Variants in MECR observed in about 807,000 individuals in gnomAD.
MECR encodes enoyl-[acyl-carrier-protein] reductase, mitochondrial.
In MECR, 37 loss-of-function variants were observed where a neutral mutation model predicts 49.1. The observed-to-expected ratio is 0.75, with a 90% confidence interval of 0.58 to 0.99. MECR has a LOEUF of 0.99. Ranked by LOEUF, MECR falls within the 50% of genes least tolerant of loss-of-function variation. The pLI is 0.00. For missense variants in MECR, 470 were observed against 479.6 expected, an observed-to-expected ratio of 0.98 and a Z score of 0.19; for synonymous variants, 198 against 191.1, an observed-to-expected ratio of 1.04 and a Z score of -0.30.
Position 29,202,036 on chromosome 1 carries a change from G to C in MECR, c.663C>G (p.Ile221Met), listed in dbSNP as rs1472260097. Residue 221 changes from isoleucine (I) to methionine (M), a missense_variant, in exon 6 of 10, where the codon ATC becomes ATG. Coordinates refer to ENST00000263702, the MANE Select transcript of MECR (RefSeq NM_016011.5). ...TINVVRDRPD[I>M]QKLSDRLKSL... Reference sequence around the variant, plus strand: ...TCTTCAGTCTGTCACTCAGCTTCTGGATATCAGGTCTGGAAACCAAACATA... The same window carrying C: ...TCTTCAGTCTGTCACTCAGCTTCTGCATATCAGGTCTGGAAACCAAACATA... The C allele has an allele frequency of 2.5e-6, 4 of 1,614,124 alleles. No homozygotes were observed.
the MECR span, chr1:29,168,814 G>A: frequency 6.6e-6 from 1 of 152,192 alleles, no homozygotes; most frequent in Non-Finnish European, 1.5e-5. Context: ...GCAATATTAT[G>A]TATTTAGGAA....
At chr1:29,202,127 G>A (rs1675473261) in intron 5 of MECR, 82 bp from the exon 6 acceptor site, 2 of 1,186,416 alleles carry the variant, frequency 1.7e-6, no homozygotes, top group Non-Finnish European at 2.5e-6. Context: ...CCACAGCTGG[G>A]AGAACCCGTG....
chr1:29,175,296 C>T, the MECR span, among the ~76,000 whole-genome samples: 1 of 151,936 alleles, frequency 6.6e-6, no homozygotes, highest in Admixed American at 6.6e-5. Flanking sequence ...ACCTGTAATC[C>T]CAGCTACTTG....
chr1:29,202,058 C>T lies in MECR; in HGVS notation c.654-13G>A, dbSNP rs757822228. On this transcript the variant is annotated splice_polypyrimidine_tract_variant and intron_variant, in intron 5 of 9. Coordinates refer to ENST00000263702, the MANE Select transcript of MECR (RefSeq NM_016011.5). ...CTGGATATCAGGTCTGGAAACCAAACATAGGTCCCTGGTCACATCTGCCAG... is the reference window on the plus strand; with the variant it reads ...CTGGATATCAGGTCTGGAAACCAAATATAGGTCCCTGGTCACATCTGCCAG... The T allele has an allele frequency of 6.2e-7, 1 of 1,610,822 alleles. No individual in the cohort carries two copies. Among genetic ancestry groups the T allele is most frequent in the Admixed American group, 1.7e-5 (1 of 60,012 alleles).
intron 4 of MECR, among the ~76,000 whole-genome samples, chr1:29,204,697 T>C (rs1039777845): frequency 3.3e-5 from 5 of 152,086 alleles, no homozygotes; most frequent in Admixed American, 2.0e-4. Flanking sequence ...AGTGGGTACT[T>C]AGGGTGGGCA....
chr1:29,185,662 G>A, the MECR span, among the ~76,000 whole-genome samples: 4 of 152,156 alleles, frequency 2.6e-5, no homozygotes, highest in South Asian at 2.1e-4. Flanking sequence ...TGATTCACCC[G>A]CCTGGGCCTC....
intron 1 of MECR, among the ~76,000 whole-genome samples, chr1:29,217,127 C>CAAAAAAA (rs1195549293): frequency 2.1e-5 from 1 of 47,264 alleles, no homozygotes; most frequent in African/African-American, 8.7e-5. Flanking sequence ...GACTTTGTCT[C>CAAAAAAA]AAAAAAAAAA....
At chr1:29,224,882 C>T (rs1005075623) in intron 1 of MECR, 2 of 152,208 alleles carry the variant, frequency 1.3e-5, no homozygotes, top group African/African-American at 4.8e-5. Flanking sequence ...TCCCACCTCA[C>T]CCAGGGTGGG....
At chr1:29,212,945 C>G (rs557520741) in intron 3 of MECR, among the ~76,000 whole-genome samples, 1 of 152,316 alleles carries the variant, frequency 6.6e-6, no homozygotes, top group South Asian at 2.1e-4. Flanking sequence ...TACGTTCACA[C>G]ACGCTGCACT....
At chr1:29,169,360 C>T in the MECR span, 4 of 152,216 alleles carry the variant, frequency 2.6e-5, no homozygotes, top group Admixed American at 2.6e-4. Context: ...GAAACACAAG[C>T]TCTTGCACAG....
intron 3 of MECR, among the ~76,000 whole-genome samples, chr1:29,208,308 A>G (rs2151876842): frequency 6.6e-6 from 1 of 152,214 alleles, no homozygotes; most frequent in East Asian, 1.9e-4. Flanking sequence ...AGGTAGTTTT[A>G]GGCAACAAAG....
intron 3 of MECR, among the ~76,000 whole-genome samples, chr1:29,209,786 A>G (rs1441443754): frequency 6.6e-6 from 1 of 152,176 alleles, no homozygotes; most frequent in Admixed American, 6.5e-5. Context: ...TTGTTGGCTC[A>G]GCATCTGGTC....
chr1:29,212,334 G>C (rs1678219686), intron 3 of MECR, among the ~76,000 whole-genome samples: 1 of 152,286 alleles, frequency 6.6e-6, no homozygotes, highest in African/African-American at 2.4e-5. Context: ...CAGGAGAATT[G>C]CTTGAACCCA....
the MECR span, among the ~76,000 whole-genome samples, chr1:29,177,893 ATTTTTTTT>A: frequency 1.5e-4 from 14 of 93,636 alleles, no homozygotes; most frequent in Admixed American, 2.4e-4. Flanking sequence ...ATTACACAAG[ATTTTTTTT>A]TTTTTTTTTT....
chr1:29,189,336 TG>T (rs1393943278), downstream of MECR, among the ~76,000 whole-genome samples: 2 of 151,972 alleles, frequency 1.3e-5, no homozygotes, highest in Non-Finnish European at 2.9e-5. Context: ...CCCAAAGTGC[TG>T]GGGTTACAGG....
the MECR span, chr1:29,182,135 C>A: frequency 5.5e-6 from 1 of 183,176 alleles, no homozygotes; most frequent in Non-Finnish European, 1.1e-5. Context: ...CGCCCCTCCC[C>A]CGGAAGTGTC....
chr1:29,174,560 G>A, the MECR span, among the ~76,000 whole-genome samples: 1 of 151,924 alleles, frequency 6.6e-6, no homozygotes. Context: ...AAAGGATCAG[G>A]CTGTTAGGGT....
chr1:29,208,944 C>A (rs1190138195), intron 3 of MECR, among the ~76,000 whole-genome samples: 1 of 152,194 alleles, frequency 6.6e-6, no homozygotes, highest in African/African-American at 2.4e-5. Context: ...TCTCAGAGCA[C>A]ACAAAGAACA....
At position 29,201,881 on chromosome 1, in the gene MECR, T is replaced by A. The variant is rs1675399221; in HGVS notation, c.756+62A>T. ...GCCAGTCCCCAGTTTCTCTAATGCA[T>A]GTCAACTTTCTTCAGGGAGATGTGC... On this transcript the variant is annotated intron_variant, in intron 6 of 9. Transcript: ENST00000263702. This position sits in a 1 kb window ranked among gnomAD's most constrained non-coding sequence, Gnocchi z 4.3. The A allele has an allele frequency of 7.4e-7, 1 of 1,360,376 alleles. No homozygotes were observed. Among genetic ancestry groups the A allele is most frequent in the South Asian group, 1.2e-5 (1 of 85,558 alleles). The allele number at this position is 1,360,376 out of a possible 1,614,324, so 84.3% of individuals were successfully genotyped here.
Sources: gnomAD v4.1 joint callset for allele counts (sites outside exome capture counted in the v4.1 genomes callset) on GRCh38, gnomAD v4.1.1 for gene constraint, Gnocchi (gnomAD v3.1) non-coding constraint, MANE v1.5 for transcripts, NCBI Gene and HGNC (gene_info 2026-07-23, HGNC 2026-07-21) for gene names.